Variants in PIGK observed in about 807,000 individuals in gnomAD.
The protein encoded by PIGK is GPI-anchor transamidase.
Under a neutral mutation model 50.6 loss-of-function variants are expected in PIGK, and 42 were observed. That is an observed-to-expected ratio of 0.83 (90% CI 0.65 to 1.07). The LOEUF is 1.07. Ranked by LOEUF, PIGK falls within the 50% of genes least tolerant of loss-of-function variation. The pLI, the probability that PIGK is intolerant of heterozygous loss-of-function variation, is 0.00. For synonymous variants in PIGK, 151 were observed against 156.0 expected, an observed-to-expected ratio of 0.97 and a Z score of 0.24; for missense variants, 448 against 488.7, an observed-to-expected ratio of 0.92 and a Z score of 0.78.
intron 6 of PIGK, 41 bp downstream of exon 6, chr1:77,163,805 G>A (rs1216405694): frequency 5.8e-6 from 6 of 1,027,148 alleles, no homozygotes; most frequent in Non-Finnish European, 7.5e-6. Context: ...TGAAAATTAG[G>A]TATGAATATA....
intron 10 of PIGK, among the ~76,000 whole-genome samples, chr1:77,108,786 A>G (rs1653761729): frequency 6.6e-6 from 1 of 151,920 alleles, no homozygotes. Context: ...GGCTTTGTTC[A>G]TTTCTTTCTA....
chr1:77,177,552 T>C (rs1411753248), intron 3 of PIGK, among the ~76,000 whole-genome samples: 1 of 152,212 alleles, frequency 6.6e-6, no homozygotes, highest in East Asian at 1.9e-4. Context: ...CTATAATCTA[T>C]AAAAACAATG....
chr1:77,181,171 T>C (rs1655606078), intron 3 of PIGK, among the ~76,000 whole-genome samples: 1 of 152,112 alleles, frequency 6.6e-6, no homozygotes, highest in South Asian at 2.1e-4. Context: ...TAGCCTAAAA[T>C]AATAATTTCC....
intron 9 of PIGK, among the ~76,000 whole-genome samples, chr1:77,129,820 T>C (rs771586834): frequency 1.3e-5 from 2 of 152,148 alleles, no homozygotes; most frequent in Non-Finnish European, 2.9e-5. Flanking sequence ...TGCTGGGTCA[T>C]AAGTTATGTA....
rs992528985 is a variant in PIGK, at chr1:77,163,960, A to C, written c.488-18T>G. On this transcript the variant is annotated intron_variant, in intron 5 of 10. Transcript: ENST00000370812. ...ACCATGCCCTTGTATAAAGAGTAAA[A>C]AAGATCAATAGATTTTTTAATGCAA... The C allele has an allele frequency of 8.5e-6, 12 of 1,409,072 alleles. No homozygotes were observed. Among genetic ancestry groups the C allele is most frequent in the Non-Finnish European group, 1.2e-5 (12 of 1,007,670 alleles). The allele number at this position is 1,409,072 out of a possible 1,614,324, so 87.3% of individuals were successfully genotyped here.
intron 3 of PIGK, among the ~76,000 whole-genome samples, chr1:77,178,173 A>G (rs1425813295): frequency 6.6e-6 from 1 of 152,228 alleles, no homozygotes; most frequent in African/African-American, 2.4e-5. Flanking sequence ...ATAAAAAATG[A>G]AGGCCCAATG....
intron 3 of PIGK, among the ~76,000 whole-genome samples, chr1:77,187,517 C>T (rs1437722482): frequency 6.6e-6 from 1 of 152,192 alleles, no homozygotes; most frequent in African/African-American, 2.4e-5. Context: ...ACACTTTGGG[C>T]TCCTCCTACC....
In PIGK at chr1:77,219,263, GCTCACAGC is replaced by G. The variant is rs777349004; in HGVS notation, c.93+39_93+46del. The G allele has an allele frequency of 4.2e-5, 62 of 1,470,858 alleles. No individual in the cohort carries two copies. The South Asian group carries it at 6.9e-4, about 16-fold the overall frequency. 91.1% of individuals were successfully genotyped at this position (1,470,858 alleles called of 1,614,324 possible). On this transcript the variant is annotated intron_variant, in intron 1 of 10. Transcript: ENST00000370812. Reference sequence around the variant, plus strand: ...CTGTGTATCGGACATCTGCTGGAGGGCTCACAGCCGGCCTCCCGGCTGTGGTCAAATGA... The same window carrying G: ...CTGTGTATCGGACATCTGCTGGAGGGCGGCCTCCCGGCTGTGGTCAAATGA...
chr1:77,112,165 T>C (rs564663719), intron 10 of PIGK, among the ~76,000 whole-genome samples: 2 of 152,080 alleles, frequency 1.3e-5, no homozygotes, highest in South Asian at 2.1e-4. Context: ...TAACTAAAGA[T>C]ATTGATTCCT....
intron 3 of PIGK, among the ~76,000 whole-genome samples, chr1:77,203,098 A>G (rs187979827): frequency 6.0e-4 from 91 of 152,320 alleles, no homozygotes; most frequent in African/African-American, 1.8e-3. Flanking sequence ...TTCACTGTGC[A>G]AACGAAGAAA....
rs866316570 is a variant in PIGK, at chr1:77,130,966, T to C, written c.987-8607A>G. ...AGAATAGTGTTGGGTATTTATTAAA[T>C]ACTGGAAGTTTAAGAGAAATTGAAT... is the stretch of plus-strand genomic sequence containing the variant. On this transcript the variant is annotated intron_variant, in intron 9 of 10. Transcript: ENST00000370812. 3.3e-5 allele frequency among the ~76,000 whole-genome samples: 5 copies of C among 152,240 alleles called. No individual in the cohort carries two copies. In the Middle Eastern group the frequency reaches 0.01, roughly 311 times the overall value.
intron 3 of PIGK, among the ~76,000 whole-genome samples, chr1:77,176,763 CT>C (rs559636226): frequency 3.9e-5 from 6 of 152,170 alleles, no homozygotes; most frequent in Non-Finnish European, 7.3e-5. Flanking sequence ...GAAAAAACAA[CT>C]GGCATTCAAG....
At position 77,163,991 on chromosome 1, in the gene PIGK, A is replaced by G. The variant is rs745427679; in HGVS notation, c.488-49T>C. The G allele has an allele frequency of 8.9e-6, 8 of 895,564 alleles. No homozygotes were observed. The East Asian group carries it at 1.7e-4, about 20-fold the overall frequency. 55.5% of individuals were successfully genotyped at this position (895,564 alleles called of 1,614,324 possible). A position where few individuals can be genotyped will look rare whatever the true frequency, so the allele number is the denominator to read the frequency against. ...CAATAGATTTTTTAATGCAAACTGCATATATCTAGATATATACATTTACTT... is the reference window on the plus strand; with the variant it reads ...CAATAGATTTTTTAATGCAAACTGCGTATATCTAGATATATACATTTACTT... On this transcript the variant is annotated intron_variant, in intron 5 of 10. Coordinates refer to ENST00000370812, the MANE Select transcript of PIGK (RefSeq NM_005482.3).
chr1:77,093,150 C>A (rs1194175026), intron 10 of PIGK, among the ~76,000 whole-genome samples: 1 of 152,044 alleles, frequency 6.6e-6, no homozygotes, highest in African/African-American at 2.4e-5. Flanking sequence ...TCCCATAGTA[C>A]CTGAACTATA....
chr1:77,204,525 G>A (rs771754922), intron 3 of PIGK, among the ~76,000 whole-genome samples: 9 of 151,936 alleles, frequency 5.9e-5, no homozygotes, highest in Admixed American at 2.0e-4. Flanking sequence ...CACCCTATTC[G>A]TACACCCCTT....
At chr1:77,213,009 C>A (rs1656455204) in intron 1 of PIGK, among the ~76,000 whole-genome samples, 1 of 152,154 alleles carries the variant, frequency 6.6e-6, no homozygotes, top group Non-Finnish European at 1.5e-5. Flanking sequence ...ACTGCAACCT[C>A]CACCTCCTAG....
intron 1 of PIGK, among the ~76,000 whole-genome samples, chr1:77,216,828 T>C (rs1388324128): frequency 6.6e-6 from 1 of 152,176 alleles, no homozygotes; most frequent in African/African-American, 2.4e-5. Flanking sequence ...TATCCTCATG[T>C]CTCTAATGTG....
At chr1:77,103,525 G>A (rs1408075950) in intron 10 of PIGK, among the ~76,000 whole-genome samples, 1 of 152,156 alleles carries the variant, frequency 6.6e-6, no homozygotes, top group East Asian at 1.9e-4. Flanking sequence ...ATAAACAATG[G>A]TTTTCAGACA....
intron 10 of PIGK, among the ~76,000 whole-genome samples, chr1:77,101,720 T>G (rs1653545367): frequency 6.6e-6 from 1 of 152,152 alleles, no homozygotes; most frequent in Admixed American, 6.6e-5. Context: ...AAAAATATTC[T>G]TTTGGCCAGG....
Sources: allele counts gnomAD v4.1 joint callset (sites outside exome capture counted in the v4.1 genomes callset), GRCh38; gene constraint gnomAD v4.1.1; transcripts MANE v1.5; gene names NCBI Gene and HGNC (gene_info 2026-07-23, HGNC 2026-07-21).